Variants in KLHL13 observed in about 807,000 individuals in gnomAD.
KLHL13 encodes the protein kelch-like protein 13.
A neutral mutation model predicts 37.1 loss-of-function variants in KLHL13; 10 were observed. The observed-to-expected ratio is 0.27, with a 90% CI of 0.17 to 0.46. KLHL13 has a LOEUF of 0.46. Among genes scored for constraint, KLHL13 ranks in the 20% least tolerant of loss-of-function variants. KLHL13 has a pLI of 1.00. For synonymous variants in KLHL13, 163 were observed against 181.2 expected (o/e 0.90, Z 0.81); for missense variants, 360 against 509.3 (o/e 0.71, Z 2.82).
At chrX:118,088,948 G>A (rs1264564991) in intron 1 of KLHL13, among the ~76,000 whole-genome samples, 2 of 111,782 alleles carry the variant, frequency 1.8e-5, no homozygotes, top group African/African-American at 3.3e-5. Flanking sequence ...AAGGTATAAA[G>A]CTGAAGAAGT....
intron 1 of KLHL13, among the ~76,000 whole-genome samples, chrX:118,104,059 A>C (rs12011315): frequency 2.1e-5 from 2 of 97,175 alleles, no homozygotes; most frequent in African/African-American, 3.9e-5. Flanking sequence ...AAAAAAAAAA[A>C]AAAAAAAAAA....
At chrX:118,088,391 C>T (rs2055078849) in intron 1 of KLHL13, among the ~76,000 whole-genome samples, 1 of 111,810 alleles carries the variant, frequency 8.9e-6, no homozygotes, top group Non-Finnish European at 1.9e-5. Context: ...TGATACTCAT[C>T]CCCATTCTGA....
At chrX:117,912,574 A>G (rs1931058415) in intron 4 of KLHL13, among the ~76,000 whole-genome samples, 1 of 112,202 alleles carries the variant, frequency 8.9e-6, no homozygotes, top group Non-Finnish European at 1.9e-5. Context: ...TCTGTATATC[A>G]ATACGTTCAT....
At chrX:118,034,504 T>G (rs1192724182) in intron 1 of KLHL13, among the ~76,000 whole-genome samples, 1 of 92,879 alleles carries the variant, frequency 1.1e-5, no homozygotes, top group Non-Finnish European at 2.0e-5. Flanking sequence ...GGGTACATAA[T>G]GAAATGAAGG....
intron 1 of KLHL13, among the ~76,000 whole-genome samples, chrX:118,015,344 T>G (rs2054116200): frequency 8.9e-6 from 1 of 111,938 alleles, no homozygotes; most frequent in African/African-American, 3.2e-5. Flanking sequence ...ATTTTCTATT[T>G]TTCTAAGTGT....
chrX:117,932,735 T>C (rs148491663), intron 2 of KLHL13, among the ~76,000 whole-genome samples: 1,317 of 112,162 alleles, frequency 0.012, 19 homozygotes, highest in African/African-American at 0.04. Context: ...TACCCAGTAA[T>C]GGGATTGCTG....
exon 5 of KLHL13, chrX:117,909,992 T>C (rs767542047): frequency 1.7e-6 from 2 of 1,209,481 alleles, no homozygotes; most frequent in Non-Finnish European, 2.2e-6. Flanking sequence ...TGCTCAGCAA[T>C]GCAGGAAAAT....
rs192186876 is a variant in KLHL13, at chrX:118,008,996, G to T, written c.-55-63421C>A. 1.5e-3 allele frequency among the ~76,000 whole-genome samples: 169 copies of T among 112,023 alleles called. 2 individuals carry two copies. Among genetic ancestry groups the T allele is most frequent in the African/African-American group, 5.3e-3 (164 of 30,873 alleles). ...TGACTCTTGCCAATACAACTACTAT[G>T]AGTACTGGGACTTCAATCTCTCCTA... On this transcript the variant is annotated intron_variant, in intron 1 of 6. Transcript: ENST00000371882.
intron 1 of KLHL13, among the ~76,000 whole-genome samples, chrX:117,988,102 GATT>G (rs2053748823): frequency 8.9e-6 from 1 of 112,018 alleles, no homozygotes; most frequent in Non-Finnish European, 1.9e-5. Flanking sequence ...CAAATTGACA[GATT>G]ATTTCCTTAG....
chrX:117,917,827 C>A (rs1378419638), intron 4 of KLHL13, among the ~76,000 whole-genome samples: 2 of 111,688 alleles, frequency 1.8e-5, no homozygotes, highest in Non-Finnish European at 3.8e-5. Context: ...TAATTTGGCT[C>A]AGGATGACCA....
intron 1 of KLHL13, among the ~76,000 whole-genome samples, chrX:117,993,939 T>C (rs1293094996): frequency 8.2e-5 from 9 of 109,687 alleles, no homozygotes; most frequent in Non-Finnish European, 1.7e-4. Flanking sequence ...TTTCTCCATG[T>C]TGGTCAGGCT....
In KLHL13 at chrX:118,007,812, T is replaced by A. The variant is rs944911554; in HGVS notation, c.-55-62237A>T. Among the ~76,000 whole-genome samples the A allele has an allele frequency of 3.6e-5, 4 of 111,769 alleles. No individual in the cohort carries two copies. The Admixed American group carries it at 3.8e-4, about 11-fold the overall frequency. ...TCTTAGAAGAGAATCATAGTATGCC[T>A]ATCTGTGGATCACAAAGCCTTTAAA... On this transcript the variant is annotated intron_variant, in intron 1 of 6. Transcript: ENST00000371882.
chrX:118,099,150 T>A (rs2055253447), intron 1 of KLHL13, among the ~76,000 whole-genome samples: 1 of 111,354 alleles, frequency 9.0e-6, no homozygotes, highest in Admixed American at 9.5e-5. Context: ...TTAAATGCTT[T>A]TAATTTTCAG....
At chrX:118,025,273 A>G (rs1004846361) in intron 1 of KLHL13, among the ~76,000 whole-genome samples, 2 of 111,851 alleles carry the variant, frequency 1.8e-5, no homozygotes, top group Non-Finnish European at 3.8e-5. Context: ...GGTTTCAGTT[A>G]CCCATGGTCA....
chrX:118,104,048 TAAAAAAAAAA>T (rs60645250), intron 1 of KLHL13, among the ~76,000 whole-genome samples: 1 of 42,562 alleles, frequency 2.3e-5, no homozygotes, highest in Non-Finnish European at 4.2e-5. Context: ...TCATTTCCAC[TAAAAAAAAAA>T]AAAAAAAAAA....
At chrX:118,066,040 A>C (rs1333276562) in intron 1 of KLHL13, among the ~76,000 whole-genome samples, 1 of 111,871 alleles carries the variant, frequency 8.9e-6, no homozygotes, top group Non-Finnish European at 1.9e-5. Context: ...AGCAGACAGA[A>C]AAGGGTAATG....
chrX:117,954,885 A>C (rs1424424070), intron 1 of KLHL13, among the ~76,000 whole-genome samples: 3 of 112,069 alleles, frequency 2.7e-5, no homozygotes, highest in Non-Finnish European at 5.6e-5. Flanking sequence ...TAATCCAAAA[A>C]TGAAGAAACT....
chrX:117,958,189 G>T (rs1250311694), intron 1 of KLHL13, among the ~76,000 whole-genome samples: 1 of 111,419 alleles, frequency 9.0e-6, no homozygotes, highest in East Asian at 2.8e-4. Flanking sequence ...CCCAGTGGAT[G>T]TTTGAAACTA....
At chrX:117,977,149 A>G (rs1448207105), upstream of KLHL13, among the ~76,000 whole-genome samples, 2 of 112,084 alleles carry the variant, frequency 1.8e-5, no homozygotes, top group Non-Finnish European at 1.9e-5. Flanking sequence ...AATGTATTCT[A>G]AAGAAACAGG....
Sources: allele counts gnomAD v4.1 joint callset (sites outside exome capture counted in the v4.1 genomes callset), GRCh38; gene constraint gnomAD v4.1.1; transcripts MANE v1.5; gene names NCBI Gene and HGNC (gene_info 2026-07-23, HGNC 2026-07-21).